The following KDM3B variants were observed in gnomAD, a reference collection of about 807,000 sequenced individuals.
KDM3B encodes the protein lysine demethylase 3B.
A neutral mutation model predicts 170.0 loss-of-function variants in KDM3B; 10 were observed. The ratio of observed to expected loss-of-function variants is 0.06; its 90% CI spans 0.04 to 0.10. The LOEUF is 0.10. Among genes scored for constraint, KDM3B ranks in the 10% least tolerant of loss-of-function variants. The pLI is 1.00. For synonymous variants in KDM3B, 831 were observed against 834.8 expected (o/e 1.00, Z 0.08); for missense variants, 1,394 against 2,195.2 (o/e 0.64, Z 7.29).
rs1763181465 is a variant in KDM3B, at chr5:138,419,010, G to A, written c.3493G>A (p.Gly1165Arg). 1.2e-6 allele frequency: 2 copies of A among 1,614,158 alleles called. No individual in the cohort carries two copies. The highest frequency in any genetic ancestry group is 1.7e-6 in the Non-Finnish European group (2 of 1,180,022). The change falls in exon 14 of 24, where the codon GGA becomes AGA. Residue 1165 changes from glycine (G) to arginine (R), a missense_variant. Physicochemically the swap from Gly to Arg is moderately radical, Grantham distance 125 (BLOSUM62 -2). Coordinates refer to ENST00000314358, the MANE Select transcript of KDM3B (RefSeq NM_016604.4). ...SGNETTFSGG[G>R]GPAPVTTPEP... ...AAACGAAACTACCTTCTCTGGTGGA[G>A]GAGGACCGGCACCAGTAACAACTCC...
At chr5:138,406,090 C>G (rs2126970737) in intron 11 of KDM3B, among the ~76,000 whole-genome samples, 1 of 152,294 alleles carries the variant, frequency 6.6e-6, no homozygotes, top group Middle Eastern at 3.4e-3. Flanking sequence ...CTCACACTTG[C>G]AATCCCAACA....
chr5:138,432,825 A>G (rs982447862), intron 23 of KDM3B, among the ~76,000 whole-genome samples: 2 of 151,632 alleles, frequency 1.3e-5, no homozygotes, highest in African/African-American at 4.8e-5. Flanking sequence ...GCTCACTGCA[A>G]GCTCCGCCTC....
chr5:138,424,387 A>G (rs1347675110), intron 16 of KDM3B, 46 bp downstream of exon 16: 2 of 1,580,070 alleles, frequency 1.3e-6, no homozygotes, highest in Admixed American at 1.8e-5. Context: ...CTGCCTGCCT[A>G]CCACAGATAC....
intron 22 of KDM3B, 120 bp downstream of exon 22, chr5:138,430,545 A>C (rs1419124584): frequency 1.1e-6 from 1 of 889,898 alleles, no homozygotes; most frequent in African/African-American, 1.7e-5. Context: ...TTATGCTGCA[A>C]CTTATTTTAT....
chr5:138,365,977 G>A (rs1761735604), intron 1 of KDM3B, among the ~76,000 whole-genome samples: 1 of 152,100 alleles, frequency 6.6e-6, no homozygotes, highest in Non-Finnish European at 1.5e-5. Flanking sequence ...TAGCCTGGGT[G>A]ACAGAGTGAT....
At chr5:138,367,002 C>T (rs1761762773) in intron 1 of KDM3B, among the ~76,000 whole-genome samples, 1 of 152,166 alleles carries the variant, frequency 6.6e-6, no homozygotes. Context: ...TTTTTCTCTG[C>T]CTTTGTACCT....
chr5:138,386,712 G>A, intron 7 of KDM3B, 91 bp downstream of exon 7: 1 of 1,491,746 alleles, frequency 6.7e-7, no homozygotes, highest in South Asian at 1.3e-5. Flanking sequence ...AAGTGCCCCA[G>A]GGAAGGAGTA....
intron 1 of KDM3B, among the ~76,000 whole-genome samples, chr5:138,366,844 T>G (rs1761758768): frequency 1.3e-5 from 2 of 152,176 alleles, no homozygotes; most frequent in South Asian, 4.1e-4. Flanking sequence ...ATGCATAATA[T>G]AAACAAACGA....
chr5:138,379,022 T>C (rs183019506), intron 4 of KDM3B, among the ~76,000 whole-genome samples: 3 of 152,092 alleles, frequency 2.0e-5, no homozygotes, highest in Non-Finnish European at 4.4e-5. Flanking sequence ...TCTGCGTTCC[T>C]AGGAAGACAG....
Position 138,352,734 on chromosome 5 carries a change from C to CG in KDM3B, c.-61dup. The CG allele has an allele frequency of 9.0e-7, 1 of 1,111,596 alleles. No homozygotes were observed. The allele number at this position is 1,111,596 out of a possible 1,614,324, so 68.9% of individuals were successfully genotyped here. On this transcript the variant is annotated 5_prime_UTR_variant, in exon 1 of 24. Coordinates refer to ENST00000314358, the MANE Select transcript of KDM3B (RefSeq NM_016604.4). ...AGGGAGGCCTTGCGGGCGGATCGGG[C>CG]GCTTGGCGGCGGAGGTGGTGGGAGG...
At chr5:138,356,636 C>CTTTT (rs539401228) in intron 1 of KDM3B, among the ~76,000 whole-genome samples, 18 of 86,020 alleles carry the variant, frequency 2.1e-4, no homozygotes, top group South Asian at 4.1e-4. Flanking sequence ...TGTCTCTTGA[C>CTTTT]TTTTTTTTTT....
chr5:138,404,637 A>AC (rs1455751517), intron 11 of KDM3B, among the ~76,000 whole-genome samples: 2 of 152,110 alleles, frequency 1.3e-5, no homozygotes, highest in Middle Eastern at 3.4e-3. Context: ...AAAAAAAAAA[A>AC]AACAAAAGAA....
intron 15 of KDM3B, among the ~76,000 whole-genome samples, chr5:138,423,157 G>T (rs371040981): frequency 3.2e-4 from 48 of 152,286 alleles, no homozygotes; most frequent in African/African-American, 1.0e-3. Context: ...TGTTGGCCAG[G>T]CTGGTCTCGA....
chr5:138,414,892 G>A (rs1466402777), intron 11 of KDM3B, among the ~76,000 whole-genome samples: 4 of 152,212 alleles, frequency 2.6e-5, no homozygotes, highest in African/African-American at 7.2e-5. Context: ...GAGAGGCGGA[G>A]GTTGCGGTGA....
At chr5:138,398,887 C>CTTTTTTT (rs537795731) in intron 10 of KDM3B, among the ~76,000 whole-genome samples, 4 of 120,178 alleles carry the variant, frequency 3.3e-5, no homozygotes, top group South Asian at 2.8e-4. Flanking sequence ...TCCTAAATTT[C>CTTTTTTT]TTTTTTTTTT....
intron 17 of KDM3B, among the ~76,000 whole-genome samples, chr5:138,426,389 A>G (rs1341060448): frequency 1.3e-5 from 2 of 151,664 alleles, no homozygotes; most frequent in Non-Finnish European, 2.9e-5. Context: ...CCTGGCTAAC[A>G]TGGTGAAACC....
intron 9 of KDM3B, among the ~76,000 whole-genome samples, chr5:138,395,854 G>T (rs1017318403): frequency 6.6e-6 from 1 of 152,012 alleles, no homozygotes; most frequent in Non-Finnish European, 1.5e-5. Flanking sequence ...CTAACCTGAG[G>T]TGATCCGCTT....
intron 11 of KDM3B, among the ~76,000 whole-genome samples, chr5:138,401,043 C>T (rs547923846): frequency 6.1e-4 from 93 of 152,144 alleles, no homozygotes; most frequent in African/African-American, 1.5e-3. Flanking sequence ...GAGGCCAAGG[C>T]GGGCAGATCA....
At chr5:138,435,325 G>A (rs1335723389) in intron 23 of KDM3B, among the ~76,000 whole-genome samples, 5 of 152,198 alleles carry the variant, frequency 3.3e-5, no homozygotes, top group Admixed American at 6.5e-5. Flanking sequence ...TACCTCATAG[G>A]ATTCTGTCAA....
Sources: gnomAD v4.1 joint callset for allele counts (sites outside exome capture counted in the v4.1 genomes callset) on GRCh38, gnomAD v4.1.1 for gene constraint, MANE v1.5 for transcripts, NCBI Gene and HGNC (gene_info 2026-07-23, HGNC 2026-07-21) for gene names.